NECTIN3: variants seen among roughly 807,000 people sequenced by gnomAD.
The protein encoded by NECTIN3 is nectin-3.
NECTIN3 carries 8 observed loss-of-function variants against 49.4 expected under a neutral mutation model. The ratio of observed to expected loss-of-function variants is 0.16; its 90% confidence interval spans 0.10 to 0.29. NECTIN3 has a LOEUF of 0.29. Among genes scored for constraint, NECTIN3 ranks in the 10% least tolerant of loss-of-function variants. NECTIN3 has a pLI of 1.00. For missense variants in NECTIN3, 581 were observed against 654.6 expected (o/e 0.89, Z 1.23); for synonymous variants, 277 against 241.1 (o/e 1.15, Z -1.38).
At position 111,085,200 on chromosome 3, in the gene NECTIN3, C is replaced by T. The variant is rs563327345; in HGVS notation, c.160+13023C>T. 2.6e-5 allele frequency among the ~76,000 whole-genome samples: 4 copies of T among 152,336 alleles called. No homozygotes were observed. In the South Asian group the frequency reaches 6.2e-4, roughly 24 times the overall value. ...TACATCTTAAATACATCTGTGGACA[C>T]TCTATTTCCAAATAAGTTCACATTC... On this transcript the variant is annotated intron_variant, in intron 1 of 5. Transcript: ENST00000485303.
chr3:111,163,301 T>C (rs1458742595), intron 7 of NECTIN3, among the ~76,000 whole-genome samples: 1 of 152,162 alleles, frequency 6.6e-6, no homozygotes, highest in African/African-American at 2.4e-5. Context: ...GAGAGGCAAG[T>C]GAAAGCTGTG....
intron 2 of NECTIN3, among the ~76,000 whole-genome samples, chr3:111,112,852 A>G (rs1428858624): frequency 2.6e-5 from 4 of 152,202 alleles, no homozygotes; most frequent in Non-Finnish European, 4.4e-5. Flanking sequence ...GCTTTTGCTC[A>G]TAATAGTGAT....
At chr3:111,167,687 C>T (rs1310951205) in intron 7 of NECTIN3, among the ~76,000 whole-genome samples, 1 of 151,978 alleles carries the variant, frequency 6.6e-6, no homozygotes, top group South Asian at 2.1e-4. Context: ...GTATTAGAAC[C>T]TTTGGAGGTG....
chr3:111,156,661 C>G (rs1428152202), intron 7 of NECTIN3, among the ~76,000 whole-genome samples: 1 of 152,156 alleles, frequency 6.6e-6, no homozygotes, highest in Admixed American at 6.5e-5. Flanking sequence ...GAATGGGTAT[C>G]TTTAACCCAG....
At chr3:111,133,134 C>T (rs115711677) in intron 5 of NECTIN3, among the ~76,000 whole-genome samples, 1,752 of 151,712 alleles carry the variant, frequency 0.012, 38 homozygotes, top group African/African-American at 0.041. Context: ...ACGCTCAGCT[C>T]TTATAAAAAT....
Position 111,149,521 on chromosome 3 carries a change from C to A in NECTIN3, c.1221+2037C>A, listed in dbSNP as rs944672223. 3.6e-5 allele frequency among the ~76,000 whole-genome samples: 5 copies of A among 137,426 alleles called. No homozygotes were observed. The East Asian group carries it at 1.1e-3, about 31-fold the overall frequency. The allele number at this position is 137,426 out of a possible 152,430, so 90.2% of individuals were successfully genotyped here. Reference sequence around the variant, plus strand: ...TGTGTGTGTGTGTAGAATCTCTTTTCTGGTACGTATTTTCCACATTCCTGT... The same window carrying A: ...TGTGTGTGTGTGTAGAATCTCTTTTATGGTACGTATTTTCCACATTCCTGT... On this transcript the variant is annotated intron_variant, in intron 7 of 8. Coordinates refer to the NECTIN3 transcript ENST00000493615.
chr3:111,118,605 A>C, intron 2 of NECTIN3, 51 bp from the exon 3 acceptor site: 1 of 1,422,554 alleles, frequency 7.0e-7, no homozygotes, highest in South Asian at 1.5e-5. Context: ...GGAAAGATAT[A>C]AACATATTCT....
intron 7 of NECTIN3, among the ~76,000 whole-genome samples, chr3:111,153,807 T>G (rs2035044243): frequency 6.6e-6 from 1 of 152,104 alleles, no homozygotes; most frequent in Admixed American, 6.5e-5. Flanking sequence ...CATAGTAGTG[T>G]TTAGTTTTTT....
At chr3:111,078,987 G>A (rs202161392) in intron 1 of NECTIN3, among the ~76,000 whole-genome samples, 6 of 152,108 alleles carry the variant, frequency 3.9e-5, no homozygotes, top group Admixed American at 3.9e-4. Flanking sequence ...AGTCTATTTT[G>A]TAATGGAAGT....
intron 1 of NECTIN3, among the ~76,000 whole-genome samples, chr3:111,106,661 G>A (rs1442858465): frequency 6.6e-6 from 1 of 152,154 alleles, no homozygotes; most frequent in African/African-American, 2.4e-5. Context: ...TTTTGTTGAA[G>A]TATGATGAAA....
intron 1 of NECTIN3, among the ~76,000 whole-genome samples, chr3:111,096,577 G>A (rs555891681): frequency 2.6e-4 from 40 of 152,308 alleles, no homozygotes; most frequent in Non-Finnish European, 5.1e-4. Context: ...CACAGGCCTG[G>A]AGGTTTAGGA....
intron 1 of NECTIN3, among the ~76,000 whole-genome samples, chr3:111,104,748 A>C (rs915998713): frequency 6.6e-6 from 1 of 152,150 alleles, no homozygotes; most frequent in African/African-American, 2.4e-5. Context: ...TCTCCTCATT[A>C]GTGGTTTTAA....
intron 5 of NECTIN3, among the ~76,000 whole-genome samples, chr3:111,132,107 G>C (rs546044563): frequency 6.6e-6 from 1 of 151,678 alleles, no homozygotes; most frequent in African/African-American, 2.4e-5. Flanking sequence ...TTCTATATTA[G>C]ACATGATCCT....
At chr3:111,086,704 T>G (rs919598303) in intron 1 of NECTIN3, among the ~76,000 whole-genome samples, 1 of 152,190 alleles carries the variant, frequency 6.6e-6, no homozygotes. Context: ...GTACTTAGTC[T>G]TGTTCCTTTT....
intron 2 of NECTIN3, among the ~76,000 whole-genome samples, chr3:111,117,912 A>T (rs891135073): frequency 4.6e-5 from 7 of 152,036 alleles, no homozygotes; most frequent in Non-Finnish European, 8.8e-5. Context: ...CTTATATTGG[A>T]AGAAAATAGG....
rs1214133747 is a variant in NECTIN3, at chr3:111,136,485, T to A, written c.*2270T>A. 6 of 983,574 alleles carry A rather than the reference T, an allele frequency of 6.1e-6. No individual in the cohort carries two copies. Among genetic ancestry groups the A allele is most frequent in the Middle Eastern group, 5.2e-4 (1 of 1,926 alleles). The allele number at this position is 983,574 out of a possible 1,614,324, so 60.9% of individuals were successfully genotyped here. On this transcript the variant is annotated 3_prime_UTR_variant, in exon 6 of 6. Transcript: ENST00000485303. ...AAAAGGTTTCTGTGTTGTAAGAATC[T>A]GATACTAGTGCTTAAGACTTTGGGA... is the stretch of plus-strand genomic sequence containing the variant.
chr3:111,192,560 T>C, intron 1 of NECTIN3: 1 of 835,442 alleles, frequency 1.2e-6, no homozygotes, highest in Non-Finnish European at 1.8e-6. Context: ...CCTTGAATTT[T>C]ACTCTTAGAA....
At chr3:111,109,875 A>G (rs1309956588) in intron 1 of NECTIN3, among the ~76,000 whole-genome samples, 1 of 152,034 alleles carries the variant, frequency 6.6e-6, no homozygotes, top group African/African-American at 2.4e-5. Context: ...TGACATGTAA[A>G]TAAGTTTTCC....
At chr3:111,192,301 A>G (rs2035826590), upstream of NECTIN3, 4 of 1,440,322 alleles carry the variant, frequency 2.8e-6, no homozygotes, top group Non-Finnish European at 3.8e-6. Context: ...AGTGGTTGAT[A>G]TGTTTTGCCA....
Sources: gnomAD v4.1 joint callset for allele counts (sites outside exome capture counted in the v4.1 genomes callset) on GRCh38, gnomAD v4.1.1 for gene constraint, MANE v1.5 for transcripts, NCBI Gene and HGNC (gene_info 2026-07-23, HGNC 2026-07-21) for gene names.